The following SCYL3 variants were observed in gnomAD, a reference collection of about 807,000 sequenced individuals.
SCYL3 encodes the protein SCY1 like pseudokinase 3.
Under a neutral mutation model 73.8 loss-of-function variants are expected in SCYL3, and 35 were observed. The ratio of observed to expected loss-of-function variants is 0.47; its 90% CI spans 0.36 to 0.63. The LOEUF (loss-of-function observed/expected upper bound fraction) is 0.63. Among genes scored for constraint, SCYL3 ranks in the 20% least tolerant of loss-of-function variants. The probability of loss-of-function intolerance (pLI) is 0.00; values close to 1 mark genes in which losing one functional copy is unlikely to be tolerated. For missense variants in SCYL3, 712 were observed against 798.9 expected (o/e 0.89, Z 1.31); for synonymous variants, 277 against 295.2 (o/e 0.94, Z 0.63).
chr1:169,869,284 T>G (rs1444121544), intron 6 of SCYL3, among the ~76,000 whole-genome samples: 1 of 152,198 alleles, frequency 6.6e-6, no homozygotes, highest in Non-Finnish European at 1.5e-5. Context: ...CATTTCCTGA[T>G]TATCCATTTA....
chr1:169,862,081 C>T (rs1470749825), intron 10 of SCYL3, among the ~76,000 whole-genome samples: 2 of 152,220 alleles, frequency 1.3e-5, no homozygotes, highest in Non-Finnish European at 2.9e-5. Context: ...TGGTTTTAGA[C>T]TTCTGGCCTC....
intron 2 of SCYL3, among the ~76,000 whole-genome samples, chr1:169,881,729 C>T (rs997591562): frequency 9.2e-5 from 14 of 152,244 alleles, no homozygotes; most frequent in Admixed American, 5.2e-4. Flanking sequence ...CTTAACACAG[C>T]GGTCCCCAAC....
At chr1:169,854,155 G>GCTTGA (rs71125207) in intron 12 of SCYL3, 115 bp downstream of exon 12, 252,775 of 751,978 alleles carry the variant, frequency 0.34, 50,390 homozygotes, top group East Asian at 0.65. Flanking sequence ...TTAATTTTGT[G>GCTTGA]CTTGACTTGA....
At chr1:169,885,639 C>T (rs940732840) in intron 2 of SCYL3, among the ~76,000 whole-genome samples, 4 of 151,536 alleles carry the variant, frequency 2.6e-5, no homozygotes. Flanking sequence ...AAGGTTAGAT[C>T]ATAAACTAAC....
At chr1:169,886,756 A>G (rs1249643435) in intron 2 of SCYL3, among the ~76,000 whole-genome samples, 1 of 152,236 alleles carries the variant, frequency 6.6e-6, no homozygotes. Context: ...AATTCAATGT[A>G]AAATGAGATG....
chr1:169,877,880 G>A (rs1660963905), intron 3 of SCYL3, among the ~76,000 whole-genome samples: 1 of 152,054 alleles, frequency 6.6e-6, no homozygotes, highest in African/African-American at 2.4e-5. Flanking sequence ...CATGATATTT[G>A]GAGAATCTGT....
At chr1:169,875,867 G>T in intron 4 of SCYL3, 111 bp downstream of exon 4, 2 of 516,350 alleles carry the variant, frequency 3.9e-6, no homozygotes, top group Non-Finnish European at 6.6e-6. Flanking sequence ...AAAAATTCAA[G>T]TCTCCAAATC....
Position 169,857,259 on chromosome 1 carries a change from A to G in SCYL3, c.1312+1782T>C, listed in dbSNP as rs147378530. ...TGACAGTATCTACTAAATTTAAAAT[A>G]TATCCTTTGGCCCAGCAAGTTTACT... On this transcript the variant is annotated intron_variant, in intron 11 of 12. Transcript: ENST00000367771. Among the ~76,000 whole-genome samples the G allele has an allele frequency of 4.1e-3, 627 of 152,342 alleles. 9 individuals are homozygous for G. The highest frequency in any genetic ancestry group is 0.014 in the African/African-American group (592 of 41,572).
chr1:169,864,219 A>C (rs1659863975), intron 9 of SCYL3, 150 bp downstream of exon 9: 1 of 1,012,680 alleles, frequency 9.9e-7, no homozygotes. Flanking sequence ...CCAGGTTTGA[A>C]TTAAAGTTAT....
At chr1:169,864,613 ATGCATTT>A in intron 8 of SCYL3, 105 bp from the exon 9 acceptor site, 3 of 1,172,386 alleles carry the variant, frequency 2.6e-6, no homozygotes, top group Non-Finnish European at 3.5e-6. Flanking sequence ...TATCAAAGTG[ATGCATTT>A]GAAATGGAGA....
Position 169,893,812 on chromosome 1 carries a change from G to A in SCYL3, c.-75C>T, listed in dbSNP as rs1662265266. On this transcript the variant is annotated 5_prime_UTR_variant, in exon 1 of 13. Coordinates refer to ENST00000367771, the MANE Select transcript of SCYL3 (RefSeq NM_020423.7). ...CCTGCAGGAAGGCGGCGGGGGAGGA[G>A]GCCGAGGGTCTTGGCTCTGGTACCC... 3 of 153,304 alleles carry A rather than the reference G, an allele frequency of 2.0e-5. No homozygotes were observed. The highest frequency in any genetic ancestry group is 2.1e-4 in the South Asian group (1 of 4,842). 9.5% of individuals were successfully genotyped at this position (153,304 alleles called of 1,614,324 possible).
chr1:169,885,823 T>C (rs1368453497), intron 2 of SCYL3, among the ~76,000 whole-genome samples: 4 of 152,110 alleles, frequency 2.6e-5, no homozygotes, highest in East Asian at 1.9e-4. Flanking sequence ...TGGATGGTTA[T>C]TAACATCCAA....
chr1:169,873,007 G>A (rs1660525451), intron 5 of SCYL3, among the ~76,000 whole-genome samples: 1 of 152,166 alleles, frequency 6.6e-6, no homozygotes, highest in African/African-American at 2.4e-5. Context: ...AAGACTTTGG[G>A]GGACTGTTGA....
intron 10 of SCYL3, among the ~76,000 whole-genome samples, chr1:169,861,510 G>A (rs1048963753): frequency 6.6e-5 from 10 of 152,144 alleles, no homozygotes; most frequent in Admixed American, 3.3e-4. Context: ...AACCCTTGTC[G>A]GGCCCCAGAT....
intron 10 of SCYL3, 110 bp from the exon 11 acceptor site, chr1:169,859,322 A>G: frequency 9.7e-7 from 1 of 1,031,586 alleles, no homozygotes; most frequent in African/African-American, 1.6e-5. Flanking sequence ...AAACTACATT[A>G]TCTTAGATAT....
In SCYL3 at chr1:169,852,170, G is replaced by A. The variant is rs1410585827; in HGVS notation, c.*1543C>T. 5 of 571,416 alleles carry A rather than the reference G, an allele frequency of 8.8e-6. No individual in the cohort carries two copies. In the Admixed American group the frequency reaches 1.6e-4, roughly 18 times the overall value. 35.4% of individuals were successfully genotyped at this position (571,416 alleles called of 1,614,324 possible). A position where few individuals can be genotyped will look rare whatever the true frequency, so the allele number is the denominator to read the frequency against. On this transcript the variant is annotated 3_prime_UTR_variant, in exon 13 of 13. Transcript: ENST00000367771. The stretch of plus-strand genomic sequence containing the variant: ...TGAATTATTGGTAGTAACCTTTAAG[G>A]GAAGTTACATATTGTACCAGTGATG...
At chr1:169,879,519 A>G (rs1330283035) in intron 2 of SCYL3, among the ~76,000 whole-genome samples, 1 of 152,236 alleles carries the variant, frequency 6.6e-6, no homozygotes, top group Non-Finnish European at 1.5e-5. Context: ...CAGGAAGAGT[A>G]AGAGGAACTA....
In SCYL3 at chr1:169,850,224, T is replaced by G; in HGVS notation, c.*3489A>C. On this transcript the variant is annotated 3_prime_UTR_variant, in exon 13 of 13. Transcript: ENST00000367771. ...TCATCTATTTGTCTTTGCAAGTTGT[T>G]GAAATGTTAAAATTGGTCTTGTTCA... 7.4e-7 allele frequency: 1 copy of G among 1,350,598 alleles called. No individual in the cohort carries two copies. The highest frequency in any genetic ancestry group is 1.1e-6 in the Non-Finnish European group (1 of 951,238). The allele number at this position is 1,350,598 out of a possible 1,614,324, so 83.7% of individuals were successfully genotyped here. A position where few individuals can be genotyped will look rare whatever the true frequency, so the allele number is the denominator to read the frequency against.
At chr1:169,891,502 CCAGT>C (rs1157632705) in intron 1 of SCYL3, among the ~76,000 whole-genome samples, 2 of 152,176 alleles carry the variant, frequency 1.3e-5, no homozygotes, top group Non-Finnish European at 2.9e-5. Context: ...GCCTGAAAAG[CCAGT>C]CAGACTGGAA....
Sources: gnomAD v4.1 joint callset for allele counts (sites outside exome capture counted in the v4.1 genomes callset) on GRCh38, gnomAD v4.1.1 for gene constraint, MANE v1.5 for transcripts, NCBI Gene and HGNC (gene_info 2026-07-23, HGNC 2026-07-21) for gene names.